The following SLC14A2 variants were observed in gnomAD, a reference collection of about 807,000 sequenced individuals.
SLC14A2 encodes solute carrier family 14 member 2.
Under a neutral mutation model 104.6 loss-of-function variants are expected in SLC14A2, and 91 were observed. The observed-to-expected ratio is 0.87, with a 90% CI of 0.73 to 1.04. The LOEUF (loss-of-function observed/expected upper bound fraction) is 1.04. SLC14A2 is among the 50% of genes least tolerant of loss of function. The probability of loss-of-function intolerance (pLI) is 0.00; values close to 1 mark genes in which losing one functional copy is unlikely to be tolerated. For missense variants in SLC14A2, 1,189 were observed against 1,156.0 expected (o/e 1.03, Z -0.41); for synonymous variants, 476 against 466.4 (o/e 1.02, Z -0.27).
At chr18:45,467,842 A>G (rs941215929) in intron 1 of SLC14A2, among the ~76,000 whole-genome samples, 2 of 152,176 alleles carry the variant, frequency 1.3e-5, no homozygotes, top group East Asian at 1.9e-4. Context: ...AAAAAAACAC[A>G]CTGTGAATTA....
Position 45,644,160 on chromosome 18 carries a change from G to T in SLC14A2, c.1351G>T (p.Gly451Ter), listed in dbSNP as rs61738671. 1.9e-6 allele frequency: 3 copies of T among 1,614,086 alleles called. No homozygotes were observed. In the Admixed American group the frequency reaches 5.0e-5, roughly 27 times the overall value. ...KSGEEEKAPS[G>*]GGGEHPPTAG... ...CGGTGAAGAAGAGAAGGCCCCCAGC[G>T]GTGAATAGCCATGTTCGGGGAAGAA... Residue 451 changes from glycine (G) to a stop codon, truncating the protein, a stop_gained and splice_region_variant, in exon 10 of 20, where the codon GGA (glycine) becomes TGA (stop). Transcript: ENST00000255226. LOFTEE classifies it high-confidence loss of function.
At chr18:45,537,603 G>A (rs977446041) in intron 2 of SLC14A2, among the ~76,000 whole-genome samples, 9 of 152,216 alleles carry the variant, frequency 5.9e-5, no homozygotes, top group African/African-American at 1.4e-4. Context: ...TTTAAGGACC[G>A]TAGCCTTTTT....
At chr18:45,639,391 C>A (rs1381947474) in intron 6 of SLC14A2, among the ~76,000 whole-genome samples, 5 of 152,158 alleles carry the variant, frequency 3.3e-5, no homozygotes, top group Non-Finnish European at 7.4e-5. Flanking sequence ...GTATGGATTT[C>A]AGAAGGTCTA....
intron 1 of SLC14A2, among the ~76,000 whole-genome samples, chr18:45,229,627 A>G (rs2084155213): frequency 1.3e-5 from 2 of 152,108 alleles, no homozygotes; most frequent in South Asian, 2.1e-4. Context: ...TCCTACTTGT[A>G]TCTACTGGTA....
intron 1 of SLC14A2, among the ~76,000 whole-genome samples, chr18:45,382,398 G>A (rs2085848752): frequency 6.6e-6 from 1 of 152,136 alleles, no homozygotes; most frequent in South Asian, 2.1e-4. Flanking sequence ...AAGGACAATG[G>A]GATTTTATTC....
intron 1 of SLC14A2, among the ~76,000 whole-genome samples, chr18:45,257,929 G>T (rs1208639941): frequency 6.6e-6 from 1 of 152,264 alleles, no homozygotes; most frequent in East Asian, 1.9e-4. Flanking sequence ...CAACTAGTAC[G>T]CACAAGGACT....
chr18:45,268,772 A>G (rs2084619333), intron 1 of SLC14A2, among the ~76,000 whole-genome samples: 1 of 152,038 alleles, frequency 6.6e-6, no homozygotes, highest in Non-Finnish European at 1.5e-5. Flanking sequence ...AGACTGGCCA[A>G]AGGTTGAGCC....
At chr18:45,539,222 G>A (rs1437258757) in intron 2 of SLC14A2, among the ~76,000 whole-genome samples, 2 of 79,164 alleles carry the variant, frequency 2.5e-5, no homozygotes, top group Non-Finnish European at 5.4e-5. Flanking sequence ...GGTTGCTAAA[G>A]TGATGGCTTC....
intron 1 of SLC14A2, among the ~76,000 whole-genome samples, chr18:45,455,849 A>G (rs1433520154): frequency 6.6e-6 from 1 of 152,154 alleles, no homozygotes; most frequent in African/African-American, 2.4e-5. Flanking sequence ...GAAAAACTTG[A>G]AGCAAGATAT....
intron 1 of SLC14A2, among the ~76,000 whole-genome samples, chr18:45,465,493 C>T (rs1475861945): frequency 1.3e-5 from 2 of 151,934 alleles, no homozygotes; most frequent in Non-Finnish European, 2.9e-5. Context: ...GTGATCTTTT[C>T]TTCCCTCCTC....
the SLC14A2 span, among the ~76,000 whole-genome samples, chr18:45,190,009 A>G: frequency 6.6e-6 from 1 of 152,176 alleles, no homozygotes; most frequent in Non-Finnish European, 1.5e-5. Flanking sequence ...GGTTTTCCAC[A>G]AGATACAGCT....
intron 1 of SLC14A2, among the ~76,000 whole-genome samples, chr18:45,360,434 C>T (rs1296234838): frequency 6.6e-6 from 1 of 152,246 alleles, no homozygotes; most frequent in Non-Finnish European, 1.5e-5. Flanking sequence ...CTCCTACCTC[C>T]TAAATCTTCT....
At chr18:45,280,233 G>A (rs1309242390) in intron 1 of SLC14A2, among the ~76,000 whole-genome samples, 1 of 152,150 alleles carries the variant, frequency 6.6e-6, no homozygotes, top group Non-Finnish European at 1.5e-5. Context: ...CCCACTGCCT[G>A]CCAGGAGCTA....
the SLC14A2 span, among the ~76,000 whole-genome samples, chr18:45,192,254 T>C: frequency 6.6e-6 from 1 of 152,180 alleles, no homozygotes; most frequent in East Asian, 1.9e-4. Context: ...ATTTTTCAGT[T>C]TTATGGAAGC....
chr18:45,419,545 A>C (rs888635820), intron 1 of SLC14A2, among the ~76,000 whole-genome samples: 1 of 152,186 alleles, frequency 6.6e-6, no homozygotes, highest in Non-Finnish European at 1.5e-5. Context: ...AGGCTGAGGC[A>C]GGCGGATCAC....
At chr18:45,282,300 G>A (rs62093665) in intron 1 of SLC14A2, among the ~76,000 whole-genome samples, 9,027 of 152,126 alleles carry the variant, frequency 0.059, 335 homozygotes, top group South Asian at 0.11. Flanking sequence ...CTTTAGTTAC[G>A]AGTCATAGGG....
rs143707451 is a variant in SLC14A2, at chr18:45,216,613, G to A, written c.-125+3422G>A. On this transcript the variant is annotated intron_variant, in intron 1 of 20. Transcript: ENST00000586448. Reference sequence around the variant, plus strand: ...CTCTGTCCCCCACCCCACTTTCTGCGGTATATGGGAACTCACAGTACCGCT... The same window carrying A: ...CTCTGTCCCCCACCCCACTTTCTGCAGTATATGGGAACTCACAGTACCGCT... Among the ~76,000 whole-genome samples, 225 of 152,158 alleles carry A rather than the reference G, an allele frequency of 1.5e-3. 1 individual carries two copies. Among genetic ancestry groups the A allele is most frequent in the Admixed American group, 2.7e-3 (42 of 15,286 alleles).
chr18:45,613,594 G>A (rs1268800299), upstream of SLC14A2, among the ~76,000 whole-genome samples: 1 of 152,222 alleles, frequency 6.6e-6, no homozygotes, highest in Non-Finnish European at 1.5e-5. Context: ...AAATGGAGAT[G>A]AGGAACTTGT....
intron 1 of SLC14A2, among the ~76,000 whole-genome samples, chr18:45,264,472 T>C (rs1328411758): frequency 6.6e-6 from 1 of 152,078 alleles, no homozygotes; most frequent in Non-Finnish European, 1.5e-5. Flanking sequence ...TGAGCCTTAG[T>C]GTATTAGTCC....
Sources: allele counts gnomAD v4.1 joint callset (sites outside exome capture counted in the v4.1 genomes callset), GRCh38; gene constraint gnomAD v4.1.1; transcripts MANE v1.5; gene names NCBI Gene and HGNC (gene_info 2026-07-23, HGNC 2026-07-21).